Variants in CDH12 observed in about 807,000 individuals in gnomAD.
CDH12 encodes the protein cadherin-12.
CDH12 carries 41 observed loss-of-function variants against 74.1 expected under a neutral mutation model. The observed-to-expected ratio is 0.55, with a 90% CI of 0.43 to 0.72. CDH12 has a LOEUF of 0.72. Among genes scored for constraint, CDH12 ranks in the 30% least tolerant of loss-of-function variants. The probability of loss-of-function intolerance (pLI) is 0.00; values close to 1 mark genes in which losing one functional copy is unlikely to be tolerated. For synonymous variants in CDH12, 399 were observed against 355.0 expected (o/e 1.12, Z -1.39); for missense variants, 945 against 977.2 (o/e 0.97, Z 0.44).
intron 12 of CDH12, among the ~76,000 whole-genome samples, chr5:21,763,261 G>A (rs974150183): frequency 1.3e-5 from 2 of 152,266 alleles, no homozygotes; most frequent in Non-Finnish European, 2.9e-5. Context: ...CTCTATGTCT[G>A]CAGTCACCAA....
intron 3 of CDH12, among the ~76,000 whole-genome samples, chr5:22,231,559 C>A (rs1046658227): frequency 6.6e-6 from 1 of 151,882 alleles, no homozygotes; most frequent in Non-Finnish European, 1.5e-5. Context: ...CCAAGAGATA[C>A]AAATGAAAAT....
At chr5:21,851,771 A>G (rs1312519441) in intron 7 of CDH12, among the ~76,000 whole-genome samples, 1 of 151,388 alleles carries the variant, frequency 6.6e-6, no homozygotes, top group Non-Finnish European at 1.5e-5. Context: ...TATTGTTTAG[A>G]AATGAACTTG....
At chr5:22,628,688 G>C (rs1738424370) in intron 1 of CDH12, among the ~76,000 whole-genome samples, 1 of 151,962 alleles carries the variant, frequency 6.6e-6, no homozygotes, top group African/African-American at 2.4e-5. Flanking sequence ...ACTTAGAGAA[G>C]CTAGAGAAAC....
At chr5:21,913,374 CT>C (rs1579952972) in intron 6 of CDH12, among the ~76,000 whole-genome samples, 1 of 151,916 alleles carries the variant, frequency 6.6e-6, no homozygotes, top group East Asian at 1.9e-4. Context: ...ACATTTCTTT[CT>C]TGTGATCATT....
intron 1 of CDH12, among the ~76,000 whole-genome samples, chr5:22,809,334 G>A (rs1258426772): frequency 6.6e-6 from 1 of 151,740 alleles, no homozygotes; most frequent in African/African-American, 2.4e-5. Flanking sequence ...TATGAATATA[G>A]AATAATTTTA....
intron 5 of CDH12, among the ~76,000 whole-genome samples, chr5:22,020,380 C>G (rs1462912619): frequency 6.6e-6 from 1 of 151,840 alleles, no homozygotes; most frequent in East Asian, 1.9e-4. Flanking sequence ...ATTGTGAAAC[C>G]CCGTCTCTAC....
intron 1 of CDH12, among the ~76,000 whole-genome samples, chr5:22,605,041 G>C (rs969799803): frequency 6.7e-6 from 1 of 149,656 alleles, no homozygotes; most frequent in Non-Finnish European, 1.5e-5. Context: ...TTTTGGATGA[G>C]ATTAGCATTT....
intron 10 of CDH12, among the ~76,000 whole-genome samples, chr5:21,789,078 G>A (rs1746351096): frequency 6.6e-6 from 1 of 151,370 alleles, no homozygotes; most frequent in Non-Finnish European, 1.5e-5. Context: ...TGCCATATAT[G>A]ACTTAACTCA....
intron 6 of CDH12, among the ~76,000 whole-genome samples, chr5:21,966,190 A>G (rs116321499): frequency 0.014 from 1,916 of 137,554 alleles, 13 homozygotes; most frequent in African/African-American, 0.026. Context: ...TGGAAGAGGT[A>G]ATTTTTAGGG....
intron 1 of CDH12, among the ~76,000 whole-genome samples, chr5:22,832,113 A>G (rs149255564): frequency 0.021 from 3,147 of 152,260 alleles, 73 homozygotes; most frequent in Admixed American, 0.034. Context: ...ATCTAAAAGG[A>G]TGGGCTTTGG....
intron 3 of CDH12, among the ~76,000 whole-genome samples, chr5:22,345,382 G>T (rs564529557): frequency 8.5e-5 from 13 of 152,132 alleles, no homozygotes; most frequent in African/African-American, 2.7e-4. Flanking sequence ...TTCTCTTGAA[G>T]TGTATACCTT....
chr5:22,622,407 C>A (rs1264074951), intron 1 of CDH12, among the ~76,000 whole-genome samples: 1 of 152,056 alleles, frequency 6.6e-6, no homozygotes, highest in Non-Finnish European at 1.5e-5. Flanking sequence ...GGGAACCCTG[C>A]ACAGGGCAGC....
intron 3 of CDH12, among the ~76,000 whole-genome samples, chr5:22,378,042 G>T (rs540298001): frequency 2.6e-5 from 4 of 151,986 alleles, no homozygotes; most frequent in African/African-American, 9.7e-5. Context: ...GAATAATAAC[G>T]TGTTTTTTTC....
intron 1 of CDH12, among the ~76,000 whole-genome samples, chr5:22,830,548 C>T (rs1736553962): frequency 6.6e-6 from 1 of 151,542 alleles, no homozygotes; most frequent in Non-Finnish European, 1.5e-5. Flanking sequence ...TGAAGTTCTC[C>T]CTTATTTTCA....
At chr5:22,348,328 T>C (rs1740212919) in intron 3 of CDH12, among the ~76,000 whole-genome samples, 1 of 152,224 alleles carries the variant, frequency 6.6e-6, no homozygotes, top group Non-Finnish European at 1.5e-5. Flanking sequence ...TTATTGTCAG[T>C]TTCCTGAAAT....
chr5:21,823,931 G>A (rs945231588), intron 8 of CDH12, among the ~76,000 whole-genome samples: 1 of 151,902 alleles, frequency 6.6e-6, no homozygotes, highest in African/African-American at 2.4e-5. Flanking sequence ...GTCGGGGTAT[G>A]CTTTGTCTTT....
At chr5:21,841,401 C>T (rs1749841679) in intron 8 of CDH12, among the ~76,000 whole-genome samples, 1 of 151,666 alleles carries the variant, frequency 6.6e-6, no homozygotes, top group Admixed American at 6.6e-5. Context: ...CACTTTTACA[C>T]TGTTGGTGGG....
In CDH12 at chr5:22,022,281, C is replaced by T. The variant is rs1738038864; in HGVS notation, c.232-46896G>A. Among the ~76,000 whole-genome samples the T allele has an allele frequency of 2.0e-5, 3 of 151,926 alleles. No individual in the cohort carries two copies. In the South Asian group the frequency reaches 6.2e-4, roughly 32 times the overall value. ...GATTTGATCATGGGGGTGGGTTTTC[C>T]CCATGTACTTTTCATGATACTGACT... is the stretch of plus-strand genomic sequence containing the variant. On this transcript the variant is annotated intron_variant, in intron 5 of 14. Transcript: ENST00000382254.
intron 4 of CDH12, among the ~76,000 whole-genome samples, chr5:22,159,013 A>T (rs1748178785): frequency 6.6e-6 from 1 of 152,158 alleles, no homozygotes; most frequent in Non-Finnish European, 1.5e-5. Flanking sequence ...AATTGTTGGC[A>T]TCGGTTCCCC....
Sources: gnomAD v4.1 joint callset for allele counts (sites outside exome capture counted in the v4.1 genomes callset) on GRCh38, gnomAD v4.1.1 for gene constraint, MANE v1.5 for transcripts, NCBI Gene and HGNC (gene_info 2026-07-23, HGNC 2026-07-21) for gene names.